The following ACTN4 variants were observed in gnomAD, a reference collection of about 807,000 sequenced individuals.
ACTN4 encodes actinin alpha 4, also known as alpha-actinin-4.
In ACTN4, 18 loss-of-function variants were observed where a neutral mutation model predicts 114.2. The ratio of observed to expected loss-of-function variants is 0.16; its 90% confidence interval spans 0.11 to 0.23. The LOEUF is 0.23. ACTN4 is among the 10% of genes least tolerant of loss of function. The pLI is 1.00. For missense variants in ACTN4, 722 were observed against 1,262.9 expected (o/e 0.57, Z 6.49); for synonymous variants, 515 against 506.3 (o/e 1.02, Z -0.23).
intron 1 of ACTN4, among the ~76,000 whole-genome samples, chr19:38,654,858 A>C (rs1276134635): frequency 6.6e-6 from 1 of 151,996 alleles, no homozygotes; most frequent in Admixed American, 6.6e-5. Context: ...AACAGCGTTT[A>C]CTCTGGAAGA....
intron 1 of ACTN4, among the ~76,000 whole-genome samples, chr19:38,691,717 A>G (rs1967937212): frequency 6.6e-6 from 1 of 152,096 alleles, no homozygotes; most frequent in African/African-American, 2.4e-5. Context: ...AGCCTGGCCA[A>G]CATGGCAGAA....
chr19:38,694,622 C>G (rs1026218163), intron 1 of ACTN4, among the ~76,000 whole-genome samples: 1 of 152,078 alleles, frequency 6.6e-6, no homozygotes, highest in African/African-American at 2.4e-5. Context: ...ACCTCCCATT[C>G]TACTCAGACA....
At position 38,725,923 on chromosome 19, in the gene ACTN4, G is replaced by A. The variant is rs370336220; in HGVS notation, c.2190+20G>A. 91 of 1,612,874 alleles carry A rather than the reference G, an allele frequency of 5.6e-5. No homozygotes were observed. Among genetic ancestry groups the A allele is most frequent in the Admixed American group, 8.3e-5 (5 of 60,012 alleles). On this transcript the variant is annotated intron_variant, in intron 17 of 20. Coordinates refer to ENST00000252699, the MANE Select transcript of ACTN4 (RefSeq NM_004924.6). ...ATGGAGGTGCGCGGCTGCCCCGCCC[G>A]CTGGCCTTTCCACCAGCATGGCCGG... is the stretch of plus-strand genomic sequence containing the variant.
chr19:38,659,146 C>T (rs997727577), intron 1 of ACTN4, among the ~76,000 whole-genome samples: 4 of 138,330 alleles, frequency 2.9e-5, no homozygotes, highest in Admixed American at 8.3e-5. Flanking sequence ...TTGCAACCTC[C>T]GCATCCTGGG....
rs1414660827 is a variant in ACTN4 at position 38,700,788 on chromosome 19, G to C, written c.277+74G>C. ...TGCCACAGCGGTCCCCAGAGACCCT[G>C]CCCACCCAGCTGTCCCATTGCTCCT... On this transcript the variant is annotated intron_variant, in intron 2 of 20. Coordinates refer to ENST00000252699, the MANE Select transcript of ACTN4 (RefSeq NM_004924.6). 2.7e-6 allele frequency: 4 copies of C among 1,456,348 alleles called. No individual in the cohort carries two copies. The African/African-American group carries it at 4.2e-5, about 15-fold the overall frequency. 90.2% of individuals were successfully genotyped at this position (1,456,348 alleles called of 1,614,324 possible).
Position 38,652,527 on chromosome 19 carries a change from C to G in ACTN4, c.162+4620C>G, listed in dbSNP as rs569870471. ...ATCCAGGGTGTGGGCCCAGGATTGC[C>G]CTCTGCCTTTTGAAACACCCTCCCT... On this transcript the variant is annotated intron_variant, in intron 1 of 20. Coordinates refer to ENST00000252699, the MANE Select transcript of ACTN4 (RefSeq NM_004924.6). Among the ~76,000 whole-genome samples, 396 of 152,250 alleles carry G rather than the reference C, an allele frequency of 2.6e-3. 7 individuals carry two copies. Among genetic ancestry groups the G allele is most frequent in the Non-Finnish European group, 3.4e-4 (23 of 68,016 alleles).
intron 1 of ACTN4, among the ~76,000 whole-genome samples, chr19:38,690,953 T>TGTG (rs1287683260): frequency 6.6e-6 from 1 of 152,336 alleles, no homozygotes; most frequent in East Asian, 1.9e-4. Flanking sequence ...CTGATTCCAC[T>TGTG]CACTCCTAGA....
At chr19:38,686,519 C>T (rs1967748165) in intron 1 of ACTN4, among the ~76,000 whole-genome samples, 1 of 152,198 alleles carries the variant, frequency 6.6e-6, no homozygotes, top group African/African-American at 2.4e-5. Flanking sequence ...AGAGGAGGCC[C>T]CAGCCTCTGC....
At position 38,724,507 on chromosome 19, in the gene ACTN4, G is replaced by A. The variant is rs1259022812; in HGVS notation, c.1952G>A (p.Arg651His). The change falls in exon 16 of 21, where the codon CGC becomes CAC. Residue 651 changes from arginine (R) to histidine (H), a missense_variant. Physicochemically the swap from Arg to His is conservative, Grantham distance 29. Around this residue, in one of 3 missense-constraint regions of ACTN4, gnomAD observed 523 missense variants for 875.9 expected, o/e 0.60. Transcript: ENST00000252699. The surrounding 1 kb of genome is among the most constrained non-coding windows in gnomAD (Gnocchi z 7.0). ...AAGCAGCAGTCCAACGAGCACCTGC[G>A]CCGCCAGTTCGCCAGCCAGGCCAAT... ...QSKQQSNEHL[R>H]RQFASQANVV... 4 of 1,613,088 alleles carry A rather than the reference G, an allele frequency of 2.5e-6. No individual in the cohort carries two copies. The highest frequency in any genetic ancestry group is 1.1e-5 in the South Asian group (1 of 91,084).
At chr19:38,686,226 G>T (rs1335547580) in intron 1 of ACTN4, among the ~76,000 whole-genome samples, 1 of 152,186 alleles carries the variant, frequency 6.6e-6, no homozygotes, top group African/African-American at 2.4e-5. Context: ...TCCCTGGGCG[G>T]ATTTGTCCAG....
At chr19:38,713,548 TGTGCACGTGCGTG>T (rs1968735327) in intron 8 of ACTN4, among the ~76,000 whole-genome samples, 1 of 152,100 alleles carries the variant, frequency 6.6e-6, no homozygotes, top group Admixed American at 6.5e-5. Context: ...TGGCGCGGGG[TGTGCACGTGCGTG>T]TGTGCGCTCA....
intron 1 of ACTN4, among the ~76,000 whole-genome samples, chr19:38,654,958 CTGT>C (rs1362070130): frequency 2.6e-5 from 4 of 152,092 alleles, no homozygotes; most frequent in South Asian, 2.1e-4. Context: ...TGTTTGCCAC[CTGT>C]TGTTGTGCTG....
chr19:38,698,575 A>C (rs1350314660), intron 1 of ACTN4, among the ~76,000 whole-genome samples: 1 of 152,204 alleles, frequency 6.6e-6, no homozygotes, highest in Non-Finnish European at 1.5e-5. Flanking sequence ...GAACCGGGTC[A>C]GGGAGGCCAT....
intron 7 of ACTN4, 120 bp from the exon 8 acceptor site, chr19:38,710,137 C>A: frequency 9.8e-7 from 1 of 1,016,750 alleles, no homozygotes; most frequent in Non-Finnish European, 1.5e-6. Flanking sequence ...CCAAGTCACG[C>A]GTCACTCTGC....
intron 11 of ACTN4, among the ~76,000 whole-genome samples, chr19:38,718,833 G>A (rs113361609): frequency 1.5e-3 from 225 of 152,344 alleles, no homozygotes; most frequent in African/African-American, 5.0e-3. Context: ...CTGTGAGCGT[G>A]GACGGAAGGC....
chr19:38,654,557 G>A lies in ACTN4; in HGVS notation c.162+6650G>A, dbSNP rs1283403062. Among the ~76,000 whole-genome samples, 6 of 129,532 alleles carry A rather than the reference G, an allele frequency of 4.6e-5. No individual in the cohort carries two copies. In the South Asian group the frequency reaches 1.1e-3, roughly 25 times the overall value. The allele number at this position is 129,532 out of a possible 152,430, so 85.0% of individuals were successfully genotyped here. Reference sequence around the variant, plus strand: ...AGCCTGGACGACAGAGTAAGGCTCCGTCTCAAAAAAAAAAAAAAAAGAAAA... The same window carrying A: ...AGCCTGGACGACAGAGTAAGGCTCCATCTCAAAAAAAAAAAAAAAAGAAAA... On this transcript the variant is annotated intron_variant, in intron 1 of 20. Coordinates refer to ENST00000252699, the MANE Select transcript of ACTN4 (RefSeq NM_004924.6).
chr19:38,682,383 C>G (rs1370710731), intron 1 of ACTN4, among the ~76,000 whole-genome samples: 2 of 151,826 alleles, frequency 1.3e-5, no homozygotes, highest in African/African-American at 4.8e-5. Flanking sequence ...CAGGGTCTCA[C>G]TATGTTGCCC....
intron 1 of ACTN4, among the ~76,000 whole-genome samples, chr19:38,691,414 A>C (rs1049548607): frequency 2.1e-4 from 26 of 124,100 alleles, no homozygotes; most frequent in Non-Finnish European, 4.0e-4. Context: ...AAAAAAAAAA[A>C]CAAAAAAAAC....
chr19:38,668,013 TTA>T (rs1264512323), intron 1 of ACTN4, among the ~76,000 whole-genome samples: 1 of 151,944 alleles, frequency 6.6e-6, no homozygotes, highest in Non-Finnish European at 1.5e-5. Flanking sequence ...AAGGAAGGAG[TTA>T]TGTCTCTGGA....
Sources: allele counts gnomAD v4.1 joint callset (sites outside exome capture counted in the v4.1 genomes callset), GRCh38; gene constraint gnomAD v4.1.1; regional missense constraint gnomAD v4.1.1; non-coding constraint Gnocchi (gnomAD v3.1); transcripts MANE v1.5; gene names NCBI Gene and HGNC (gene_info 2026-07-23, HGNC 2026-07-21).